NOVA1: variants seen among roughly 807,000 people sequenced by gnomAD.
NOVA1 encodes NOVA alternative splicing regulator 1.
A neutral mutation model predicts 38.0 loss-of-function variants in NOVA1; 7 were observed. That is an observed-to-expected ratio of 0.18 (90% confidence interval 0.10 to 0.35). The LOEUF (loss-of-function observed/expected upper bound fraction) is 0.35. Ranked by LOEUF, NOVA1 falls within the 10% of genes least tolerant of loss-of-function variation. The pLI is 1.00. For synonymous variants in NOVA1, 270 were observed against 232.5 expected, an observed-to-expected ratio of 1.16 and a Z score of -1.47; for missense variants, 460 against 616.0, an observed-to-expected ratio of 0.75 and a Z score of 2.68.
At chr14:26,584,835 T>C (rs1471976634) in intron 2 of NOVA1, among the ~76,000 whole-genome samples, 1 of 151,454 alleles carries the variant, frequency 6.6e-6, no homozygotes, top group East Asian at 1.9e-4. Context: ...TTTCAACTTC[T>C]AGATATAATT....
intron 2 of NOVA1, among the ~76,000 whole-genome samples, chr14:26,576,121 A>G (rs916058180): frequency 1.3e-5 from 2 of 151,846 alleles, no homozygotes; most frequent in Non-Finnish European, 1.5e-5. Context: ...ACAATATTCT[A>G]AATGGTTCAA....
chr14:26,507,917 G>A (rs1887764432), intron 2 of NOVA1, among the ~76,000 whole-genome samples: 1 of 151,514 alleles, frequency 6.6e-6, no homozygotes, highest in African/African-American at 2.4e-5. Context: ...CAAAAAAACA[G>A]GCTGCTGAAA....
chr14:26,497,334 G>A (rs1886895597), intron 2 of NOVA1, among the ~76,000 whole-genome samples: 1 of 152,104 alleles, frequency 6.6e-6, no homozygotes, highest in Non-Finnish European at 1.5e-5. Context: ...ATGCTCATGG[G>A]TAGGAAGAAT....
intron 2 of NOVA1, chr14:26,549,620 T>G (rs1891044381): frequency 1.5e-5 from 10 of 654,720 alleles, no homozygotes; most frequent in Non-Finnish European, 1.9e-5. Flanking sequence ...TGTTTCCCAG[T>G]TATTTGTTAT....
chr14:26,516,372 A>C (rs557018407), intron 2 of NOVA1, among the ~76,000 whole-genome samples: 14 of 152,024 alleles, frequency 9.2e-5, no homozygotes, highest in Non-Finnish European at 7.4e-5. Flanking sequence ...ATGTGGCCCA[A>C]TTTATTGTTT....
chr14:26,456,944 T>C (rs1393423552), intron 4 of NOVA1, among the ~76,000 whole-genome samples: 10 of 149,592 alleles, frequency 6.7e-5, no homozygotes, highest in Admixed American at 2.7e-4. Flanking sequence ...TGTATATATA[T>C]ACACACACAC....
At chr14:26,480,532 C>T (rs1309586423) in intron 2 of NOVA1, among the ~76,000 whole-genome samples, 1 of 152,146 alleles carries the variant, frequency 6.6e-6, no homozygotes, top group Non-Finnish European at 1.5e-5. Flanking sequence ...AAAAAACCGA[C>T]ATAAAACCAG....
intron 2 of NOVA1, among the ~76,000 whole-genome samples, chr14:26,501,847 T>C (rs1320874046): frequency 1.3e-5 from 2 of 151,986 alleles, no homozygotes; most frequent in African/African-American, 2.4e-5. Flanking sequence ...GCCCATTTAC[T>C]ATGAATCAAA....
At chr14:26,486,888 T>C (rs2138333159) in intron 2 of NOVA1, among the ~76,000 whole-genome samples, 1 of 152,086 alleles carries the variant, frequency 6.6e-6, no homozygotes, top group South Asian at 2.1e-4. Flanking sequence ...TCTTAAAAGA[T>C]TTAAAATTCT....
intron 4 of NOVA1, among the ~76,000 whole-genome samples, chr14:26,450,663 CT>C (rs1447745100): frequency 6.6e-6 from 1 of 152,074 alleles, no homozygotes; most frequent in African/African-American, 2.4e-5. Context: ...TCACAGACAT[CT>C]TTTTGTACAA....
intron 2 of NOVA1, among the ~76,000 whole-genome samples, chr14:26,539,476 A>T (rs933792382): frequency 1.2e-4 from 18 of 152,174 alleles, no homozygotes; most frequent in African/African-American, 4.1e-4. Context: ...TTTCCAAGAA[A>T]ATAACTGAGA....
intron 2 of NOVA1, chr14:26,593,298 T>C (rs958018752): frequency 4.0e-5 from 6 of 151,860 alleles, no homozygotes; most frequent in South Asian, 2.1e-4. Context: ...TACCGGGATC[T>C]TAAAATTATT....
intron 2 of NOVA1, among the ~76,000 whole-genome samples, chr14:26,588,238 C>G (rs960145630): frequency 1.3e-5 from 2 of 149,142 alleles, no homozygotes; most frequent in African/African-American, 4.9e-5. Flanking sequence ...GTCTGCAATA[C>G]AGTTTATCAG....
chr14:26,569,714 A>C (rs1892355074), intron 2 of NOVA1, among the ~76,000 whole-genome samples: 1 of 152,218 alleles, frequency 6.6e-6, no homozygotes, highest in African/African-American at 2.4e-5. Flanking sequence ...CATTATTGAC[A>C]AATAATCACA....
At position 26,595,406 on chromosome 14, in the gene NOVA1, C is replaced by G. The variant is rs1280091909; in HGVS notation, c.280+4G>C. 3 of 1,613,094 alleles carry G rather than the reference C, an allele frequency of 1.9e-6. No individual in the cohort carries two copies. The highest frequency in any genetic ancestry group is 2.5e-6 in the Non-Finnish European group (3 of 1,179,498). ...TCAAACAATCTCTTCACCATTGCAC[C>G]TACCTGGGTAAAAATCTTTGGACTT... On this transcript the variant is annotated splice_donor_region_variant and intron_variant, in intron 2 of 4. Coordinates refer to ENST00000539517, the MANE Select transcript of NOVA1 (RefSeq NM_002515.3).
rs1322881952 is a variant in NOVA1 at position 26,444,855 on chromosome 14, A to T, written c.*3104T>A. ...AAAAAACAAAAAAACAAACAAACAA[A>T]CAAACAAAAAAAAAACAAAAAAACT... On this transcript the variant is annotated 3_prime_UTR_variant, in exon 5 of 5. Coordinates refer to ENST00000539517, the MANE Select transcript of NOVA1 (RefSeq NM_002515.3). 1 of 144,278 alleles carries T rather than the reference A, an allele frequency of 6.9e-6. No homozygotes were observed. The highest frequency in any genetic ancestry group is 1.5e-5 in the Non-Finnish European group (1 of 67,332). 8.9% of individuals were successfully genotyped at this position (144,278 alleles called of 1,614,324 possible). A position where few individuals can be genotyped will look rare whatever the true frequency, so the allele number is the denominator to read the frequency against.
intron 2 of NOVA1, among the ~76,000 whole-genome samples, chr14:26,522,215 T>C (rs1888950599): frequency 6.6e-6 from 1 of 152,106 alleles, no homozygotes; most frequent in Non-Finnish European, 1.5e-5. Context: ...TGCAGAGTAA[T>C]CACTGTCAAT....
chr14:26,555,650 A>C (rs1891437427), intron 2 of NOVA1, among the ~76,000 whole-genome samples: 2 of 152,162 alleles, frequency 1.3e-5, no homozygotes, highest in Admixed American at 6.5e-5. Context: ...AAAATCATGG[A>C]AACTCAATTC....
chr14:26,595,604 T>A, intron 1 of NOVA1, 51 bp from the exon 2 acceptor site: 1 of 1,546,774 alleles, frequency 6.5e-7, no homozygotes, highest in Non-Finnish European at 8.8e-7. Flanking sequence ...TCAAACTTTG[T>A]ATCCCCTCTC....
Sources: gnomAD v4.1 joint callset for allele counts (sites outside exome capture counted in the v4.1 genomes callset) on GRCh38, gnomAD v4.1.1 for gene constraint, MANE v1.5 for transcripts, NCBI Gene and HGNC (gene_info 2026-07-23, HGNC 2026-07-21) for gene names.